BRSK2: variants seen among roughly 807,000 people sequenced by gnomAD.
BRSK2 encodes serine/threonine-protein kinase BRSK2.
A neutral mutation model predicts 83.3 loss-of-function variants in BRSK2; 19 were observed. The observed-to-expected ratio is 0.23, with a 90% CI of 0.16 to 0.33. The LOEUF (loss-of-function observed/expected upper bound fraction) is 0.33, where lower values mean the gene tolerates loss of function less well. BRSK2 is among the 10% of genes least tolerant of loss of function. The probability of loss-of-function intolerance (pLI) is 1.00; values close to 1 mark genes in which losing one functional copy is unlikely to be tolerated. For missense variants in BRSK2, 798 were observed against 1,042.3 expected, an observed-to-expected ratio of 0.77 and a Z score of 3.23; for synonymous variants, 519 against 435.4, an observed-to-expected ratio of 1.19 and a Z score of -2.39.
chr11:1,397,380 C>A lies in BRSK2; in HGVS notation c.91+7005C>A, dbSNP rs547332862. 6.6e-5 allele frequency among the ~76,000 whole-genome samples: 10 copies of A among 152,332 alleles called. No individual in the cohort carries two copies. In the East Asian group the frequency reaches 1.9e-3, roughly 30 times the overall value. On this transcript the variant is annotated intron_variant, in intron 1 of 19. Coordinates refer to ENST00000528841, the MANE Select transcript of BRSK2 (RefSeq NM_001256627.2). ...GCCAGGTCCAGGCCTTGTTCTACCGCCTCTGAGGGGCCAGTGTTCTGGGCC... is the reference window on the plus strand; with the variant it reads ...GCCAGGTCCAGGCCTTGTTCTACCGACTCTGAGGGGCCAGTGTTCTGGGCC...
In BRSK2 at chr11:1,461,198, C is replaced by A; in HGVS notation, c.*475C>A. ...CTCCAGCCCGGCCGACCCGGACTCC[C>A]GGTCACCTGACCCCTCAGCAAGAAC... On this transcript the variant is annotated 3_prime_UTR_variant, in exon 20 of 20. Coordinates refer to ENST00000528841, the MANE Select transcript of BRSK2 (RefSeq NM_001256627.2). 1.4e-6 allele frequency: 1 copy of A among 718,630 alleles called. No homozygotes were observed. Among genetic ancestry groups the A allele is most frequent in the Non-Finnish European group, 2.2e-6 (1 of 456,064 alleles). 44.5% of individuals were successfully genotyped at this position (718,630 alleles called of 1,614,324 possible). A position where few individuals can be genotyped will look rare whatever the true frequency, so the allele number is the denominator to read the frequency against.
chr11:1,415,624 G>A (rs923418543), intron 1 of BRSK2, among the ~76,000 whole-genome samples: 3 of 152,198 alleles, frequency 2.0e-5, no homozygotes, highest in African/African-American at 7.2e-5. Flanking sequence ...GGTTTTTTAA[G>A]GCCCCACAGA....
At position 1,423,812 on chromosome 11, in the gene BRSK2, G is replaced by A. The variant is rs888325281; in HGVS notation, c.92-12228G>A. On this transcript the variant is annotated intron_variant, in intron 1 of 19. Transcript: ENST00000528841. This position sits in a 1 kb window ranked among gnomAD's most constrained non-coding sequence, Gnocchi z 6.5. ...GTGCCCCAGGCCTCCCCCGCTGGGC[G>A]TTCCGGGTGCCCCAGGCCTCCCCCG... 2.6e-5 allele frequency among the ~76,000 whole-genome samples: 4 copies of A among 151,036 alleles called. No individual in the cohort carries two copies. Among genetic ancestry groups the A allele is most frequent in the African/African-American group, 7.3e-5 (3 of 41,066 alleles).
intron 9 of BRSK2, 116 bp downstream of exon 9, chr11:1,445,118 G>A (rs573442697): frequency 1.1e-5 from 16 of 1,501,952 alleles, no homozygotes; most frequent in Non-Finnish European, 1.4e-5. Context: ...CCCTGCCTTG[G>A]CCCTCCGTGG....
intron 2 of BRSK2, 111 bp downstream of exon 2, chr11:1,436,245 G>GA: frequency 3.0e-6 from 1 of 332,014 alleles, no homozygotes; most frequent in Non-Finnish European, 5.3e-6. Flanking sequence ...CGGGTGGGGG[G>GA]GCGGGCCCTG....
At chr11:1,444,348 C>T (rs1353910289) in intron 8 of BRSK2, among the ~76,000 whole-genome samples, 1 of 152,170 alleles carries the variant, frequency 6.6e-6, no homozygotes, top group Admixed American at 6.5e-5. Context: ...AAGCAGGTCA[C>T]ACTCTGGGCT....
chr11:1,448,412 T>C (rs1037613009), intron 12 of BRSK2, among the ~76,000 whole-genome samples: 5 of 152,288 alleles, frequency 3.3e-5, no homozygotes, highest in African/African-American at 1.2e-4. Context: ...GACCCTCACC[T>C]GTGTGCCCTC....
In BRSK2 at chr11:1,390,720, G is replaced by A. The variant is rs919500372; in HGVS notation, c.91+345G>A. Among the ~76,000 whole-genome samples, 5 of 151,140 alleles carry A rather than the reference G, an allele frequency of 3.3e-5. No individual in the cohort carries two copies. Among genetic ancestry groups the A allele is most frequent in the African/African-American group, 1.2e-4 (5 of 41,288 alleles). Reference sequence around the variant, plus strand: ...CCCCAGCGACCGGGCCCATTGTGCCGCGGGAGGAGGGGGCCGCGCGGGCGC... The same window carrying A: ...CCCCAGCGACCGGGCCCATTGTGCCACGGGAGGAGGGGGCCGCGCGGGCGC... On this transcript the variant is annotated intron_variant, in intron 1 of 19. Coordinates refer to ENST00000528841, the MANE Select transcript of BRSK2 (RefSeq NM_001256627.2). The surrounding 1 kb of genome is among the most constrained non-coding windows in gnomAD (Gnocchi z 6.8).
chr11:1,458,463 C>T (rs1270262274), intron 18 of BRSK2, among the ~76,000 whole-genome samples: 1 of 152,158 alleles, frequency 6.6e-6, no homozygotes. Flanking sequence ...AGCCCTGCCC[C>T]CCTCCCACAC....
chr11:1,455,293 T>G (rs978218933), intron 16 of BRSK2, among the ~76,000 whole-genome samples: 1 of 136,182 alleles, frequency 7.3e-6, no homozygotes, highest in African/African-American at 2.8e-5. Flanking sequence ...CGCCCAGGCA[T>G]CACAGGGGCT....
Position 1,438,277 on chromosome 11 carries a change from C to T in BRSK2, c.187-29C>T, listed in dbSNP as rs558946297. 1.6e-5 allele frequency: 25 copies of T among 1,607,142 alleles called. No individual in the cohort carries two copies. Among genetic ancestry groups the T allele is most frequent in the East Asian group, 8.9e-5 (4 of 44,830 alleles). On this transcript the variant is annotated intron_variant, in intron 2 of 19. Transcript: ENST00000528841. The surrounding 1 kb of genome is among the most constrained non-coding windows in gnomAD (Gnocchi z 6.4). ...GCGATGCGTGCCCCAGCCCTGTGAG[C>T]GTGATGTTCTCTGGCCTCTCCCATG...
rs896928364 is a variant in BRSK2 at position 1,423,153 on chromosome 11, C to A, written c.92-12887C>A. On this transcript the variant is annotated intron_variant, in intron 1 of 19. Transcript: ENST00000528841. The surrounding 1 kb of genome is among the most constrained non-coding windows in gnomAD (Gnocchi z 6.5). ...GTGCCTCCATGTACCTCAGGGCCTC[C>A]CCCAGAGCGGTGCCTCGTGGGGGAT... 2.6e-5 allele frequency among the ~76,000 whole-genome samples: 4 copies of A among 152,176 alleles called. No homozygotes were observed. Among genetic ancestry groups the A allele is most frequent in the Non-Finnish European group, 4.4e-5 (3 of 68,034 alleles).
At chr11:1,443,186 G>A (rs1564851452) in intron 6 of BRSK2, 47 bp downstream of exon 6, 2 of 1,532,970 alleles carry the variant, frequency 1.3e-6, no homozygotes, top group Non-Finnish European at 1.7e-6. Flanking sequence ...CAGGGTGGCG[G>A]GGACCTGACC....
intron 18 of BRSK2, among the ~76,000 whole-genome samples, chr11:1,457,217 G>A (rs7952328): frequency 6.6e-6 from 1 of 152,118 alleles, no homozygotes; most frequent in African/African-American, 2.4e-5. Context: ...CACAGGACCT[G>A]GGAGAGCAGT....
chr11:1,399,593 G>A (rs1324147203), intron 1 of BRSK2, among the ~76,000 whole-genome samples: 1 of 152,156 alleles, frequency 6.6e-6, no homozygotes, highest in East Asian at 1.9e-4. Context: ...ACAGTCCCTC[G>A]GGGCTCAAAC....
Position 1,460,849 on chromosome 11 carries a change from G to A in BRSK2, c.*126G>A. On this transcript the variant is annotated 3_prime_UTR_variant, in exon 20 of 20. Coordinates refer to ENST00000528841, the MANE Select transcript of BRSK2 (RefSeq NM_001256627.2). ...TCCAGACTGTTCTCAGAGCCTGGGA[G>A]GAAAGGAAAGGGGCGTTGGGGCCGG... The A allele has an allele frequency of 6.4e-7, 1 of 1,550,968 alleles. No individual in the cohort carries two copies. The highest frequency in any genetic ancestry group is 2.4e-5 in the East Asian group (1 of 41,756).
chr11:1,451,916 C>T (rs1357199705), intron 15 of BRSK2, among the ~76,000 whole-genome samples: 2 of 152,106 alleles, frequency 1.3e-5, no homozygotes, highest in African/African-American at 4.8e-5. Context: ...TGCTGAGATG[C>T]CCTGGGGGCC....
At chr11:1,437,154 A>G (rs987147262) in intron 2 of BRSK2, among the ~76,000 whole-genome samples, 1 of 152,022 alleles carries the variant, frequency 6.6e-6, no homozygotes, top group Non-Finnish European at 1.5e-5. Context: ...GGAGAGTCCC[A>G]TGCTGAATTT....
At chr11:1,419,639 A>G (rs984398509) in intron 1 of BRSK2, among the ~76,000 whole-genome samples, 3 of 152,232 alleles carry the variant, frequency 2.0e-5, no homozygotes, top group African/African-American at 4.8e-5. Flanking sequence ...GGCCAGACAC[A>G]GTGGCTCACG....
Sources: allele counts gnomAD v4.1 joint callset (sites outside exome capture counted in the v4.1 genomes callset), GRCh38; gene constraint gnomAD v4.1.1; non-coding constraint Gnocchi (gnomAD v3.1); transcripts MANE v1.5; gene names NCBI Gene and HGNC (gene_info 2026-07-23, HGNC 2026-07-21).